MTHFD1: variants seen among roughly 807,000 people sequenced by gnomAD.
MTHFD1 encodes methylenetetrahydrofolate dehydrogenase, cyclohydrolase and formyltetrahydrofolate synthetase 1.
Under a neutral mutation model 110.3 loss-of-function variants are expected in MTHFD1, and 44 were observed. The observed-to-expected ratio is 0.40, with a 90% CI of 0.31 to 0.51. MTHFD1 has a LOEUF of 0.51. MTHFD1 is among the 20% of genes least tolerant of loss of function. The pLI, the probability that MTHFD1 is intolerant of heterozygous loss-of-function variation, is 0.60. For missense variants in MTHFD1, 909 were observed against 1,173.1 expected, an observed-to-expected ratio of 0.77 and a Z score of 3.29; for synonymous variants, 402 against 428.8, an observed-to-expected ratio of 0.94 and a Z score of 0.77.
intron 8 of MTHFD1, chr14:64,424,143 C>T: frequency 6.4e-6 from 1 of 156,820 alleles, no homozygotes; most frequent in Non-Finnish European, 1.4e-5. Context: ...CCGCCCCCAG[C>T]CCCTCCTGGA....
chr14:64,431,212 C>T (rs533130181), intron 13 of MTHFD1, among the ~76,000 whole-genome samples: 21 of 151,762 alleles, frequency 1.4e-4, no homozygotes, highest in African/African-American at 4.1e-4. Context: ...ATTACAGGTG[C>T]GCACTACCAC....
chr14:64,417,991 C>T lies in MTHFD1; in HGVS notation c.582C>T (p.Thr194=). 6.2e-7 allele frequency: 1 copy of T among 1,614,106 alleles called. No homozygotes were observed. The highest frequency in any genetic ancestry group is 8.5e-7 in the Non-Finnish European group (1 of 1,180,024). The change falls in exon 7 of 28, where the codon ACC becomes ACT. Residue 194 remains threonine (T), a synonymous_variant. Coordinates refer to ENST00000652337, the MANE Select transcript of MTHFD1 (RefSeq NM_005956.4). This position sits in a 1 kb window ranked among gnomAD's most constrained non-coding sequence, Gnocchi z 4.4. ...TGTGGAACAATGCCACAGTGACCAC[C>T]TGCCACTCCAAGACTGCCCATCTGG... ...LLLWNNATVT[T]CHSKTAHLDE... is the part of the protein sequence containing the mutation.
intron 16 of MTHFD1, among the ~76,000 whole-genome samples, chr14:64,437,469 G>C (rs1253936801): frequency 1.3e-5 from 2 of 152,110 alleles, no homozygotes; most frequent in African/African-American, 4.8e-5. Flanking sequence ...ACACCAGATG[G>C]GTAGTTTTTC....
At chr14:64,437,628 G>A (rs183834002) in intron 16 of MTHFD1, among the ~76,000 whole-genome samples, 4 of 152,152 alleles carry the variant, frequency 2.6e-5, no homozygotes, top group Non-Finnish European at 5.9e-5. Flanking sequence ...GACACGAATC[G>A]CAAGTCCAGG....
intron 4 of MTHFD1, among the ~76,000 whole-genome samples, chr14:64,413,150 G>A (rs1433413784): frequency 4.6e-5 from 7 of 151,198 alleles, no homozygotes; most frequent in African/African-American, 7.3e-5. Flanking sequence ...TCGGGAGTTC[G>A]AGACCAGCCT....
intron 13 of MTHFD1, among the ~76,000 whole-genome samples, chr14:64,430,904 G>A (rs11622591): frequency 0.068 from 10,273 of 152,038 alleles, 464 homozygotes; most frequent in East Asian, 0.17. Context: ...ACTCCTCCTC[G>A]CTGTTTTGAG....
chr14:64,422,119 A>G (rs1450586024), intron 8 of MTHFD1, among the ~76,000 whole-genome samples: 1 of 152,166 alleles, frequency 6.6e-6, no homozygotes, highest in Non-Finnish European at 1.5e-5. Context: ...AGACAATAAA[A>G]TATGAATAAA....
At chr14:64,432,005 G>A in intron 15 of MTHFD1, 144 bp downstream of exon 15, 1 of 723,098 alleles carries the variant, frequency 1.4e-6, no homozygotes, top group Non-Finnish European at 2.4e-6. Context: ...GATATACATA[G>A]CAAAGATGGA....
At chr14:64,395,633 G>T (rs1010408925) in intron 1 of MTHFD1, among the ~76,000 whole-genome samples, 1 of 152,148 alleles carries the variant, frequency 6.6e-6, no homozygotes, top group African/African-American at 2.4e-5. Context: ...TGTCAAATGG[G>T]GCAGTTTTTT....
chr14:64,388,865 C>G (rs987955545), intron 1 of MTHFD1: 1 of 342,840 alleles, frequency 2.9e-6, no homozygotes, highest in African/African-American at 2.1e-5. Context: ...CAAGGCTTGA[C>G]AAGACTACAA....
At chr14:64,442,215 A>G (rs773228314) in intron 20 of MTHFD1, 48 bp from the exon 21 acceptor site, 8 of 1,614,186 alleles carry the variant, frequency 5.0e-6, no homozygotes, top group South Asian at 2.2e-5. Flanking sequence ...TTCTTTTAAC[A>G]TCAGGGGAAT....
At chr14:64,425,252 G>A (rs2140963499) in intron 9 of MTHFD1, among the ~76,000 whole-genome samples, 1 of 133,990 alleles carries the variant, frequency 7.5e-6, no homozygotes, top group South Asian at 2.3e-4. Flanking sequence ...TGCTCTTGCT[G>A]CCCAGGCTGG....
intron 4 of MTHFD1, among the ~76,000 whole-genome samples, chr14:64,414,974 C>A (rs1392042816): frequency 6.6e-6 from 1 of 150,460 alleles, no homozygotes; most frequent in Non-Finnish European, 1.5e-5. Flanking sequence ...CAGTCGTGAA[C>A]CACCGCACCC....
intron 8 of MTHFD1, among the ~76,000 whole-genome samples, chr14:64,421,436 C>T (rs997943062): frequency 6.6e-6 from 1 of 152,130 alleles, no homozygotes; most frequent in African/African-American, 2.4e-5. Context: ...GTCAAGCCTT[C>T]ACCGTTTTTA....
At chr14:64,428,710 T>C (rs576346239) in intron 12 of MTHFD1, among the ~76,000 whole-genome samples, 2 of 151,770 alleles carry the variant, frequency 1.3e-5, no homozygotes, top group Non-Finnish European at 2.9e-5. Context: ...CGTGCCACCA[T>C]GCCTGGCTAA....
chr14:64,444,916 C>T, intron 22 of MTHFD1, 182 bp downstream of exon 22: 1 of 654,030 alleles, frequency 1.5e-6, no homozygotes, highest in Admixed American at 2.2e-5. Context: ...ATGTACCTCA[C>T]AAAATAGAAT....
At chr14:64,448,885 T>C (rs576956667) in intron 23 of MTHFD1, among the ~76,000 whole-genome samples, 175 of 152,096 alleles carry the variant, frequency 1.2e-3, no homozygotes, top group African/African-American at 4.0e-3. Flanking sequence ...CTGCAAGCTC[T>C]GCCTCCCGGG....
chr14:64,397,104 CAAAAAAAAAAAAAAA>C (rs1189095379), intron 1 of MTHFD1, among the ~76,000 whole-genome samples: 9 of 7,124 alleles, frequency 1.3e-3, no homozygotes, highest in Admixed American at 4.5e-3. Context: ...GACTGCGTCT[CAAAAAAAAAAAAAAA>C]AAAAAAAAAA....
chr14:64,436,902 A>G (rs2078210287), intron 16 of MTHFD1, among the ~76,000 whole-genome samples: 1 of 152,190 alleles, frequency 6.6e-6, no homozygotes, highest in South Asian at 2.1e-4. Context: ...TTGACTAGCT[A>G]TTTTTTACAG....
Sources: gnomAD v4.1 joint callset for allele counts (sites outside exome capture counted in the v4.1 genomes callset) on GRCh38, gnomAD v4.1.1 for gene constraint, Gnocchi (gnomAD v3.1) non-coding constraint, MANE v1.5 for transcripts, NCBI Gene and HGNC (gene_info 2026-07-23, HGNC 2026-07-21) for gene names.